Variants in CHST11 observed in about 807,000 individuals in gnomAD.
CHST11 encodes the protein carbohydrate sulfotransferase 11, also known as C4S-1.
CHST11 carries 9 observed loss-of-function variants against 30.4 expected under a neutral mutation model. That is an observed-to-expected ratio of 0.30 (90% confidence interval 0.18 to 0.52). The LOEUF is 0.52. CHST11 is among the 20% of genes least tolerant of loss of function. The pLI is 0.97. For missense variants in CHST11, 348 were observed against 460.6 expected (o/e 0.76, Z 2.24); for synonymous variants, 152 against 187.8 (o/e 0.81, Z 1.56).
intron 2 of CHST11, among the ~76,000 whole-genome samples, chr12:104,682,866 T>C (rs1196229186): frequency 6.6e-6 from 1 of 152,240 alleles, no homozygotes; most frequent in Non-Finnish European, 1.5e-5. Flanking sequence ...CTGGCCTTAA[T>C]GAGCCAGCTA....
chr12:104,498,621 G>T (rs1359956932), intron 1 of CHST11, among the ~76,000 whole-genome samples: 16 of 152,278 alleles, frequency 1.1e-4, no homozygotes, highest in Admixed American at 1.0e-3. Flanking sequence ...TATTGAAAAC[G>T]TCCCTATAGG....
Position 104,714,559 on chromosome 12 carries a change from GATGATGATGA to G in CHST11, c.205-42389_205-42380del, listed in dbSNP as rs1175238483. ...TTGCTTTTGTGGAGGTGGTGATGAT[GATGATGATGA>G]TGATGATGGTGACGGTGATGATGAC... On this transcript the variant is annotated intron_variant, in intron 2 of 2. Coordinates refer to ENST00000303694, the MANE Select transcript of CHST11 (RefSeq NM_018413.6). 8.0e-3 allele frequency among the ~76,000 whole-genome samples: 593 copies of G among 74,016 alleles called. 6 individuals are homozygous for G. Among genetic ancestry groups the G allele is most frequent in the African/African-American group, 0.034 (561 of 16,324 alleles). 48.6% of individuals were successfully genotyped at this position (74,016 alleles called of 152,430 possible).
chr12:104,574,053 T>C (rs1397666952), intron 1 of CHST11, among the ~76,000 whole-genome samples: 3 of 152,146 alleles, frequency 2.0e-5, no homozygotes, highest in African/African-American at 7.2e-5. Flanking sequence ...GGGCGAAGGA[T>C]ATGAACAGAC....
chr12:104,649,124 T>G (rs2039466740), intron 2 of CHST11, among the ~76,000 whole-genome samples: 2 of 148,472 alleles, frequency 1.3e-5, no homozygotes, highest in African/African-American at 2.5e-5. Flanking sequence ...GGAAGCAGAG[T>G]AGAGAAGGGT....
At chr12:104,505,340 C>A (rs901335776) in intron 1 of CHST11, among the ~76,000 whole-genome samples, 1 of 152,160 alleles carries the variant, frequency 6.6e-6, no homozygotes, top group African/African-American at 2.4e-5. Flanking sequence ...CCACACCCCC[C>A]CAGCAGAGAG....
At chr12:104,464,543 GC>G (rs1452723777) in intron 1 of CHST11, among the ~76,000 whole-genome samples, 1 of 151,728 alleles carries the variant, frequency 6.6e-6, no homozygotes, top group Non-Finnish European at 1.5e-5. Flanking sequence ...TTGCTCTATT[GC>G]CCAGGTTGGA....
Position 104,458,626 on chromosome 12 carries a change from C to T in CHST11, c.118+1097C>T, listed in dbSNP as rs1013915969. On this transcript the variant is annotated intron_variant, in intron 1 of 2. Coordinates refer to ENST00000303694, the MANE Select transcript of CHST11 (RefSeq NM_018413.6). The surrounding 1 kb of genome is among the most constrained non-coding windows in gnomAD (Gnocchi z 5.7). ...GTCTCCCCGCCAAGCCGTGGCTCCC[C>T]TGCTCCCTTTTACCCTCCCTTAGCA... is the stretch of plus-strand genomic sequence containing the variant. Among the ~76,000 whole-genome samples, 1 of 152,260 alleles carries T rather than the reference C, an allele frequency of 6.6e-6. No homozygotes were observed. The highest frequency in any genetic ancestry group is 1.5e-5 in the Non-Finnish European group (1 of 68,038).
intron 1 of CHST11, among the ~76,000 whole-genome samples, chr12:104,504,797 T>A (rs1304087177): frequency 6.6e-6 from 1 of 151,916 alleles, no homozygotes; most frequent in Non-Finnish European, 1.5e-5. Context: ...GAGACACCCA[T>A]CCCCCTGTCT....
At chr12:104,661,751 G>A (rs144143085) in intron 2 of CHST11, among the ~76,000 whole-genome samples, 254 of 152,228 alleles carry the variant, frequency 1.7e-3, no homozygotes, top group Middle Eastern at 6.8e-3. Flanking sequence ...ACCAGGACCC[G>A]GGATGCCTGG....
chr12:104,730,817 AC>A (rs2040251287), intron 2 of CHST11, among the ~76,000 whole-genome samples: 1 of 152,214 alleles, frequency 6.6e-6, no homozygotes, highest in Non-Finnish European at 1.5e-5. Flanking sequence ...TCCAAGGCCA[AC>A]TTGGAGTGGA....
At chr12:104,505,851 T>C (rs545288565) in intron 1 of CHST11, among the ~76,000 whole-genome samples, 1 of 152,304 alleles carries the variant, frequency 6.6e-6, no homozygotes, top group Non-Finnish European at 1.5e-5. Flanking sequence ...TGTCTCATGC[T>C]TTGCTATAAA....
chr12:104,541,028 C>T (rs1194041921), intron 1 of CHST11, among the ~76,000 whole-genome samples: 1 of 152,090 alleles, frequency 6.6e-6, no homozygotes, highest in African/African-American at 2.4e-5. Context: ...GGAGATGACC[C>T]AGCGTCCCTG....
intron 2 of CHST11, among the ~76,000 whole-genome samples, chr12:104,731,799 G>T (rs540642931): frequency 6.6e-6 from 1 of 152,376 alleles, no homozygotes; most frequent in African/African-American, 2.4e-5. Context: ...TCCGTGTCAT[G>T]ATTCCAAAAT....
At chr12:104,485,387 C>T (rs1019760130) in intron 1 of CHST11, among the ~76,000 whole-genome samples, 1 of 152,198 alleles carries the variant, frequency 6.6e-6, no homozygotes, top group African/African-American at 2.4e-5. Flanking sequence ...AGAAAGTACA[C>T]AGTGGGCAAG....
chr12:104,639,888 GAACA>G (rs55741439), intron 2 of CHST11, among the ~76,000 whole-genome samples: 26,748 of 151,934 alleles, frequency 0.18, 2,413 homozygotes, highest in Non-Finnish European at 0.2. Context: ...AACAATAAGA[GAACA>G]AACAGCCCAG....
At chr12:104,646,378 A>T (rs989141720) in intron 2 of CHST11, among the ~76,000 whole-genome samples, 2 of 152,180 alleles carry the variant, frequency 1.3e-5, no homozygotes, top group African/African-American at 4.8e-5. Context: ...ACCTTTCCCT[A>T]ACCTCCCTAA....
chr12:104,609,486 G>A (rs1205096297), intron 2 of CHST11, among the ~76,000 whole-genome samples: 2 of 152,146 alleles, frequency 1.3e-5, no homozygotes, highest in African/African-American at 2.4e-5. Context: ...CTTGAACCAG[G>A]GAAGCTTCCC....
At chr12:104,609,437 T>A (rs971818034) in intron 2 of CHST11, among the ~76,000 whole-genome samples, 5 of 152,218 alleles carry the variant, frequency 3.3e-5, no homozygotes, top group African/African-American at 1.2e-4. Context: ...CCACGGACAG[T>A]GAACTACCTC....
chr12:104,659,801 C>T (rs923097351), intron 2 of CHST11, among the ~76,000 whole-genome samples: 3 of 147,686 alleles, frequency 2.0e-5, no homozygotes, highest in African/African-American at 7.5e-5. Flanking sequence ...CCCCCCCCCG[C>T]CCCCACCATC....
Sources: allele counts gnomAD v4.1 joint callset (sites outside exome capture counted in the v4.1 genomes callset), GRCh38; gene constraint gnomAD v4.1.1; non-coding constraint Gnocchi (gnomAD v3.1); transcripts MANE v1.5; gene names NCBI Gene and HGNC (gene_info 2026-07-23, HGNC 2026-07-21).